Variants in PLEKHA4 observed in about 807,000 individuals in gnomAD.
The protein encoded by PLEKHA4 is pleckstrin homology domain-containing family A member 4.
In PLEKHA4, 73 loss-of-function variants were observed where a neutral mutation model predicts 94.7. That is an observed-to-expected ratio of 0.77 (90% CI 0.64 to 0.94). PLEKHA4 has a LOEUF of 0.94. Ranked by LOEUF, PLEKHA4 falls within the 40% of genes least tolerant of loss-of-function variation. PLEKHA4 has a pLI of 0.00. For synonymous variants in PLEKHA4, 449 were observed against 437.1 expected (o/e 1.03, Z -0.34); for missense variants, 1,049 against 1,054.1 (o/e 1.00, Z 0.07).
chr19:48,855,284 A>T (rs1292983550), intron 9 of PLEKHA4, among the ~76,000 whole-genome samples: 1 of 150,000 alleles, frequency 6.7e-6, no homozygotes, highest in East Asian at 1.9e-4. Flanking sequence ...ACATAGGGAG[A>T]CCTTGTGTCT....
chr19:48,838,175 A>C, intron 18 of PLEKHA4, 46 bp from the exon 19 acceptor site: 9 of 855,246 alleles, frequency 1.1e-5, no homozygotes, highest in Non-Finnish European at 1.7e-5. Context: ...TACATGGGGG[A>C]GAGGTGGGGG....
intron 14 of PLEKHA4, among the ~76,000 whole-genome samples, chr19:48,846,492 A>T (rs1303007853): frequency 1.3e-5 from 2 of 151,972 alleles, no homozygotes; most frequent in Non-Finnish European, 2.9e-5. Context: ...TAGGCTGGGC[A>T]CAGTGGGTTC....
In PLEKHA4 at chr19:48,860,135, G is replaced by A. The variant is rs542075842; in HGVS notation, c.476+215C>T. 27 of 589,776 alleles carry A rather than the reference G, an allele frequency of 4.6e-5. No homozygotes were observed. The Admixed American group carries it at 5.1e-4, about 11-fold the overall frequency. 36.5% of individuals were successfully genotyped at this position (589,776 alleles called of 1,614,324 possible). A position where few individuals can be genotyped will look rare whatever the true frequency, so the allele number is the denominator to read the frequency against. On this transcript the variant is annotated intron_variant, in intron 6 of 19. Coordinates refer to ENST00000263265, the MANE Select transcript of PLEKHA4 (RefSeq NM_020904.3). Reference sequence around the variant, plus strand: ...TGCGTGACTGAAGGGTCAGCTTGGGGGCGGGGACGGACAAGGTGGTGGGCG... The same window carrying A: ...TGCGTGACTGAAGGGTCAGCTTGGGAGCGGGGACGGACAAGGTGGTGGGCG...
chr19:48,865,744 G>A (rs188699065), intron 2 of PLEKHA4, 134 bp from the exon 3 acceptor site: 4 of 608,172 alleles, frequency 6.6e-6, no homozygotes, highest in African/African-American at 3.7e-5. Context: ...GCCGGGCGCA[G>A]TGGCTCACAC....
At chr19:48,859,300 G>A in intron 7 of PLEKHA4, 161 bp from the exon 8 acceptor site, 1 of 908,302 alleles carries the variant, frequency 1.1e-6, no homozygotes, top group South Asian at 1.5e-5. Context: ...AGTAATGTCC[G>A]CTTTGTGGCA....
intron 9 of PLEKHA4, among the ~76,000 whole-genome samples, chr19:48,856,807 G>A (rs1175151766): frequency 1.8e-4 from 27 of 149,150 alleles, no homozygotes; most frequent in Admixed American, 1.7e-3. Context: ...GCTGAGGCAG[G>A]AGAATGGCAT....
chr19:48,847,470 G>A (rs773538030), intron 14 of PLEKHA4, among the ~76,000 whole-genome samples: 5 of 152,050 alleles, frequency 3.3e-5, no homozygotes, highest in South Asian at 2.1e-4. Context: ...GGTGGCTCAC[G>A]CCTGTAATCC....
Position 48,837,603 on chromosome 19 carries a change from C to A in PLEKHA4, c.2078-52G>T. The A allele has an allele frequency of 6.3e-7, 1 of 1,597,540 alleles. No individual in the cohort carries two copies. Among genetic ancestry groups the A allele is most frequent in the Non-Finnish European group, 8.5e-7 (1 of 1,171,656 alleles). ...ATGGCAAACCTCAGCGCTAGGACCC[C>A]GGATTCCCAGCCCCTCCTCCCTCAG... On this transcript the variant is annotated intron_variant, in intron 19 of 19. Transcript: ENST00000263265. The surrounding 1 kb of genome is among the most constrained non-coding windows in gnomAD (Gnocchi z 4.3).
At position 48,837,604 on chromosome 19, in the gene PLEKHA4, G is replaced by A. The variant is rs546291763; in HGVS notation, c.2078-53C>T. The A allele has an allele frequency of 1.3e-6, 2 of 1,595,310 alleles. No homozygotes were observed. Among genetic ancestry groups the A allele is most frequent in the Non-Finnish European group, 1.7e-6 (2 of 1,170,342 alleles). On this transcript the variant is annotated intron_variant, in intron 19 of 19. Coordinates refer to ENST00000263265, the MANE Select transcript of PLEKHA4 (RefSeq NM_020904.3). The surrounding 1 kb of genome is among the most constrained non-coding windows in gnomAD (Gnocchi z 4.3). ...TGGCAAACCTCAGCGCTAGGACCCC[G>A]GATTCCCAGCCCCTCCTCCCTCAGA...
chr19:48,846,744 G>C (rs2035985365), intron 14 of PLEKHA4, among the ~76,000 whole-genome samples: 1 of 152,106 alleles, frequency 6.6e-6, no homozygotes, highest in African/African-American at 2.4e-5. Flanking sequence ...CTCCAGCCTG[G>C]GTGACAGAGC....
In PLEKHA4 at chr19:48,858,872, C is replaced by A. The variant is rs755806805; in HGVS notation, c.960G>T (p.Glu320Asp). ...CCTCTCTGCTCACCTGTGTTCTGGG[C>A]TCCTGACTCCAGTGCTGGGGACTCC... ...PPRSPQHWSQ[E>D]PRTQAHSGSP... is the part of the protein sequence containing the mutation. The change falls in exon 8 of 20, where the codon GAG becomes GAT. Residue 320 changes from glutamate to aspartate, a missense_variant. Coordinates refer to ENST00000263265, the MANE Select transcript of PLEKHA4 (RefSeq NM_020904.3). 4 of 1,612,864 alleles carry A rather than the reference C, an allele frequency of 2.5e-6. No individual in the cohort carries two copies. Among genetic ancestry groups the A allele is most frequent in the Non-Finnish European group, 3.4e-6 (4 of 1,179,626 alleles).
At position 48,858,627 on chromosome 19, in the gene PLEKHA4, C is replaced by CAA. The variant is rs56663437; in HGVS notation, c.972+231_972+232dup. ...TGGCGACAGAGCAAGACCTCAGTCTCAAAAAAAAAAAAAAAAAGCAATGGC... is the reference window on the plus strand; with the variant it reads ...TGGCGACAGAGCAAGACCTCAGTCTCAAAAAAAAAAAAAAAAAAAGCAATGGC... On this transcript the variant is annotated intron_variant, in intron 8 of 19. Coordinates refer to ENST00000263265, the MANE Select transcript of PLEKHA4 (RefSeq NM_020904.3). 1.7e-4 allele frequency among the ~76,000 whole-genome samples: 11 copies of CAA among 63,440 alleles called. 1 individual carries two copies. The highest frequency in any genetic ancestry group is 3.2e-4 in the African/African-American group (3 of 9,252). 41.6% of individuals were successfully genotyped at this position (63,440 alleles called of 152,430 possible).
intron 16 of PLEKHA4, among the ~76,000 whole-genome samples, chr19:48,841,676 C>T (rs1413957177): frequency 2.0e-5 from 3 of 151,254 alleles, no homozygotes; most frequent in Non-Finnish European, 2.9e-5. Context: ...GGGAGAAGGC[C>T]GGGTGCAGTG....
intron 17 of PLEKHA4, among the ~76,000 whole-genome samples, chr19:48,840,557 C>G (rs1392342908): frequency 6.6e-6 from 1 of 151,596 alleles, no homozygotes; most frequent in Admixed American, 6.6e-5. Flanking sequence ...TCCCAAGGAG[C>G]TGGGATTACA....
chr19:48,850,244 G>A (rs1056133158), intron 13 of PLEKHA4, among the ~76,000 whole-genome samples: 4 of 151,792 alleles, frequency 2.6e-5, no homozygotes, highest in Admixed American at 2.0e-4. Flanking sequence ...CGTGACTCAC[G>A]CCTGTAATCC....
At chr19:48,841,740 C>T (rs889624834) in intron 16 of PLEKHA4, among the ~76,000 whole-genome samples, 1 of 151,408 alleles carries the variant, frequency 6.6e-6, no homozygotes, top group Non-Finnish European at 1.5e-5. Flanking sequence ...GGATCACTTG[C>T]GGCCAAGAGT....
chr19:48,842,138 A>C (rs956911816), intron 16 of PLEKHA4, among the ~76,000 whole-genome samples: 16 of 107,358 alleles, frequency 1.5e-4, no homozygotes, highest in African/African-American at 4.9e-4. Flanking sequence ...TTGTTAATTT[A>C]TTTTCTTTTT....
intron 16 of PLEKHA4, among the ~76,000 whole-genome samples, chr19:48,844,227 T>C (rs2035881421): frequency 6.6e-6 from 1 of 151,238 alleles, no homozygotes; most frequent in Non-Finnish European, 1.5e-5. Flanking sequence ...CAATCTTGGG[T>C]CTTTGCCACC....
intron 5 of PLEKHA4, 147 bp downstream of exon 5, chr19:48,861,254 G>GCAGAGA (rs2036627294): frequency 1.3e-6 from 1 of 742,184 alleles, no homozygotes; most frequent in Non-Finnish European, 2.4e-6. Flanking sequence ...ACAAAACGAG[G>GCAGAGA]ATGCAATTGA....
Sources: gnomAD v4.1 joint callset for allele counts (sites outside exome capture counted in the v4.1 genomes callset) on GRCh38, gnomAD v4.1.1 for gene constraint, Gnocchi (gnomAD v3.1) non-coding constraint, MANE v1.5 for transcripts, NCBI Gene and HGNC (gene_info 2026-07-23, HGNC 2026-07-21) for gene names.